Variants in RANBP2 observed in about 807,000 individuals in gnomAD.
RANBP2 encodes the protein RAN binding protein 2.
A neutral mutation model predicts 303.6 loss-of-function variants in RANBP2; 57 were observed. The ratio of observed to expected loss-of-function variants is 0.19; its 90% confidence interval spans 0.15 to 0.23. The LOEUF (loss-of-function observed/expected upper bound fraction) is 0.23. RANBP2 is among the 10% of genes least tolerant of loss of function. RANBP2 has a pLI of 1.00. For missense variants in RANBP2, 3,138 were observed against 3,780.8 expected (o/e 0.83, Z 4.46); for synonymous variants, 1,167 against 1,301.5 (o/e 0.90, Z 2.23).
chr2:109,018,041 C>A, the RANBP2 span, among the ~76,000 whole-genome samples: 33 of 152,270 alleles, frequency 2.2e-4, no homozygotes, highest in African/African-American at 7.5e-4. Context: ...CATTAATTGG[C>A]AGTAATGATG....
the RANBP2 span, among the ~76,000 whole-genome samples, chr2:108,979,073 T>G: frequency 6.6e-6 from 1 of 152,222 alleles, no homozygotes; most frequent in Non-Finnish European, 1.5e-5. Flanking sequence ...AAACATTCAG[T>G]GTTGTGGAAA....
the RANBP2 span, among the ~76,000 whole-genome samples, chr2:109,294,460 C>T: frequency 6.6e-6 from 1 of 151,326 alleles, no homozygotes; most frequent in Admixed American, 6.6e-5. Flanking sequence ...ACTCAGGAGG[C>T]TGAGGCACAA....
chr2:108,945,213 C>T, the RANBP2 span, among the ~76,000 whole-genome samples: 14 of 152,264 alleles, frequency 9.2e-5, 1 homozygote, highest in South Asian at 1.0e-3. Flanking sequence ...AGCTCCCCGT[C>T]CTGGGGCACT....
At chr2:109,574,674 A>C in the RANBP2 span, 1 of 1,610,592 alleles carries the variant, frequency 6.2e-7, no homozygotes, top group Non-Finnish European at 8.5e-7. Context: ...GGATGCGAGA[A>C]TCATGGTAGG....
At chr2:108,846,759 T>G in the RANBP2 span, 1 of 1,611,104 alleles carries the variant, frequency 6.2e-7, no homozygotes, top group Non-Finnish European at 8.5e-7. Flanking sequence ...GACATCAACA[T>G]TGAGGAGATT....
At chr2:108,868,392 T>C in the RANBP2 span, among the ~76,000 whole-genome samples, 1 of 152,198 alleles carries the variant, frequency 6.6e-6, no homozygotes, top group Admixed American at 6.5e-5. Flanking sequence ...GCTTATTAAC[T>C]ATAAATTTAT....
chr2:109,418,050 T>C, the RANBP2 span, among the ~76,000 whole-genome samples: 1 of 152,054 alleles, frequency 6.6e-6, no homozygotes, highest in African/African-American at 2.4e-5. Flanking sequence ...TTCGCTCACC[T>C]GAGGACACAC....
the RANBP2 span, among the ~76,000 whole-genome samples, chr2:109,670,505 G>A: frequency 2.0e-5 from 3 of 152,128 alleles, no homozygotes; most frequent in South Asian, 2.1e-4. Context: ...GGGCTATGAG[G>A]ATTAAGGGCA....
the RANBP2 span, among the ~76,000 whole-genome samples, chr2:109,125,655 A>G: frequency 2.7e-4 from 41 of 152,366 alleles, no homozygotes; most frequent in African/African-American, 9.6e-4. Context: ...TAGTACATAG[A>G]TGACTCATGT....
the RANBP2 span, chr2:109,614,886 G>T: frequency 7.0e-7 from 1 of 1,425,506 alleles, no homozygotes; most frequent in Non-Finnish European, 9.1e-7. Flanking sequence ...ACAGGGCCGC[G>T]AGCTGGGCGA....
chr2:109,172,647 A>G, the RANBP2 span, among the ~76,000 whole-genome samples: 12 of 152,170 alleles, frequency 7.9e-5, no homozygotes, highest in Middle Eastern at 3.2e-3. Flanking sequence ...CATAGCAGGA[A>G]GCAATTGTTT....
the RANBP2 span, among the ~76,000 whole-genome samples, chr2:109,734,661 T>C: frequency 1.3e-5 from 2 of 152,198 alleles, no homozygotes; most frequent in East Asian, 1.9e-4. Flanking sequence ...TACATAAAAT[T>C]GAAAGTGACC....
the RANBP2 span, among the ~76,000 whole-genome samples, chr2:109,275,569 A>G: frequency 6.6e-6 from 1 of 152,070 alleles, no homozygotes; most frequent in African/African-American, 2.4e-5. Flanking sequence ...GCTGATGAGC[A>G]CTCAAAAGAG....
At chr2:108,770,175 G>GAT (rs1275411974) in intron 20 of RANBP2, among the ~76,000 whole-genome samples, 2 of 152,142 alleles carry the variant, frequency 1.3e-5, no homozygotes, top group African/African-American at 4.8e-5. Context: ...TTTTGAATCT[G>GAT]ATAATGTCAT....
At chr2:108,788,792 G>T, downstream of RANBP2, 1 of 1,605,920 alleles carries the variant, frequency 6.2e-7, no homozygotes, top group Admixed American at 1.7e-5. Context: ...TATGGCCAGT[G>T]CCAGATATTT....
the RANBP2 span, among the ~76,000 whole-genome samples, chr2:109,437,891 G>A: frequency 5.3e-5 from 8 of 152,266 alleles, no homozygotes; most frequent in Middle Eastern, 3.4e-3. Flanking sequence ...ATGCCACGGC[G>A]TCTTCCACCA....
the RANBP2 span, among the ~76,000 whole-genome samples, chr2:108,831,160 T>C: frequency 6.6e-6 from 1 of 151,728 alleles, no homozygotes; most frequent in Non-Finnish European, 1.5e-5. Context: ...GCCTGAGTTA[T>C]AGAGCGGGAC....
At chr2:109,697,261 G>A in the RANBP2 span, among the ~76,000 whole-genome samples, 40,449 of 152,040 alleles carry the variant, frequency 0.27, 6,621 homozygotes, top group Non-Finnish European at 0.36. Flanking sequence ...AGGCCGAGGT[G>A]GGCAGATCAC....
chr2:109,256,660 C>T, the RANBP2 span, among the ~76,000 whole-genome samples: 71 of 152,138 alleles, frequency 4.7e-4, no homozygotes, highest in Non-Finnish European at 9.0e-4. Flanking sequence ...CCCTAGTCTT[C>T]GTGGTCTAAG....
Sources: allele counts gnomAD v4.1 joint callset (sites outside exome capture counted in the v4.1 genomes callset), GRCh38; gene constraint gnomAD v4.1.1; transcripts MANE v1.5; gene names NCBI Gene and HGNC (gene_info 2026-07-23, HGNC 2026-07-21).